The following NBEA variants were observed in gnomAD, a reference collection of about 807,000 sequenced individuals.
The protein encoded by NBEA is lysosomal-trafficking regulator 2.
In NBEA, 44 loss-of-function variants were observed where a neutral mutation model predicts 343.4. That is an observed-to-expected ratio of 0.13 (90% CI 0.10 to 0.16). The LOEUF (loss-of-function observed/expected upper bound fraction) is 0.16. Among genes scored for constraint, NBEA ranks in the 10% least tolerant of loss-of-function variants. NBEA has a pLI of 1.00. For missense variants in NBEA, 2,555 were observed against 3,631.3 expected (o/e 0.70, Z 7.62); for synonymous variants, 1,175 against 1,238.7 (o/e 0.95, Z 1.08).
chr13:35,277,771 G>A (rs2034726938), intron 34 of NBEA, among the ~76,000 whole-genome samples: 1 of 151,428 alleles, frequency 6.6e-6, no homozygotes, highest in African/African-American at 2.4e-5. Context: ...AAAAAAATTT[G>A]AATAGAAAGG....
chr13:35,375,264 G>C (rs2041672790), intron 38 of NBEA, among the ~76,000 whole-genome samples: 1 of 151,902 alleles, frequency 6.6e-6, no homozygotes, highest in African/African-American at 2.4e-5. Context: ...CATTTCTTTT[G>C]GTATTTAAGT....
intron 41 of NBEA, chr13:35,474,673 A>G (rs534620955): frequency 2.9e-5 from 5 of 173,888 alleles, no homozygotes; most frequent in South Asian, 3.3e-4. Flanking sequence ...TGGCATATCC[A>G]AATCGTGTTT....
At chr13:35,372,958 C>T (rs1237393972) in intron 38 of NBEA, among the ~76,000 whole-genome samples, 1 of 152,102 alleles carries the variant, frequency 6.6e-6, no homozygotes, top group Non-Finnish European at 1.5e-5. Flanking sequence ...TCAGTTTGAG[C>T]TCCTTTTCTC....
At chr13:35,155,955 T>TA (rs2069143571) in intron 19 of NBEA, 100 bp downstream of exon 19, 1 of 1,475,542 alleles carries the variant, frequency 6.8e-7, no homozygotes, top group Non-Finnish European at 9.4e-7. Context: ...TTATGGTGTT[T>TA]ACCTAGTTCA....
At chr13:35,140,523 G>A (rs973179832) in intron 17 of NBEA, among the ~76,000 whole-genome samples, 5 of 151,832 alleles carry the variant, frequency 3.3e-5, no homozygotes, top group African/African-American at 1.2e-4. Flanking sequence ...TTTTTAAATA[G>A]CCATTTGACC....
intron 6 of NBEA, among the ~76,000 whole-genome samples, chr13:35,052,391 C>T (rs2063095090): frequency 6.6e-6 from 1 of 151,948 alleles, no homozygotes. Flanking sequence ...GTAATATGTG[C>T]TCTAGACATA....
chr13:35,634,151 T>A (rs1277526943), intron 49 of NBEA, among the ~76,000 whole-genome samples: 1 of 152,168 alleles, frequency 6.6e-6, no homozygotes, highest in African/African-American at 2.4e-5. Context: ...GAGACTATCC[T>A]GGCTAACACG....
intron 47 of NBEA, among the ~76,000 whole-genome samples, chr13:35,603,836 AT>A (rs2082164918): frequency 6.6e-6 from 1 of 152,144 alleles, no homozygotes; most frequent in African/African-American, 2.4e-5. Flanking sequence ...TGTTATTGCT[AT>A]TGTGTCACAT....
chr13:35,451,790 G>T (rs2046324185), intron 39 of NBEA, among the ~76,000 whole-genome samples: 2 of 152,138 alleles, frequency 1.3e-5, no homozygotes, highest in African/African-American at 4.8e-5. Context: ...GGATCTTCGA[G>T]TCCTTAGACA....
At chr13:35,142,682 T>C (rs1368424604) in intron 18 of NBEA, among the ~76,000 whole-genome samples, 1 of 152,158 alleles carries the variant, frequency 6.6e-6, no homozygotes, top group East Asian at 1.9e-4. Context: ...TTAGTTCTGC[T>C]TCCCCATCCC....
At chr13:35,362,235 T>C (rs946140628) in intron 38 of NBEA, among the ~76,000 whole-genome samples, 1 of 151,962 alleles carries the variant, frequency 6.6e-6, no homozygotes, top group Admixed American at 6.6e-5. Context: ...GTTATTTCTG[T>C]GCAAACACTA....
At chr13:35,312,163 A>G (rs2037413388) in intron 36 of NBEA, among the ~76,000 whole-genome samples, 1 of 152,214 alleles carries the variant, frequency 6.6e-6, no homozygotes. Flanking sequence ...TTAGATGAAC[A>G]CATACAGTAA....
intron 1 of NBEA, among the ~76,000 whole-genome samples, chr13:35,009,493 C>T (rs1593448747): frequency 6.6e-6 from 1 of 151,986 alleles, no homozygotes; most frequent in East Asian, 1.9e-4. Flanking sequence ...ATAAAGACCC[C>T]GAGTCAAAAA....
At chr13:35,516,491 A>G (rs185477917) in intron 41 of NBEA, among the ~76,000 whole-genome samples, 1 of 152,276 alleles carries the variant, frequency 6.6e-6, no homozygotes, top group Admixed American at 6.5e-5. Flanking sequence ...TAGTTCTATA[A>G]ATGGGAAATT....
At chr13:35,091,572 C>T (rs1236388191) in intron 10 of NBEA, among the ~76,000 whole-genome samples, 8 of 152,032 alleles carry the variant, frequency 5.3e-5, no homozygotes, top group Non-Finnish European at 1.5e-5. Flanking sequence ...TAAATTCTAG[C>T]ACTAGTAAGC....
In NBEA at chr13:35,534,959, A is replaced by T. The variant is rs188059369; in HGVS notation, c.6586-15518A>T. 1.9e-4 allele frequency among the ~76,000 whole-genome samples: 29 copies of T among 152,332 alleles called. No homozygotes were observed. In the East Asian group the frequency reaches 5.6e-3, roughly 29 times the overall value. On this transcript the variant is annotated intron_variant, in intron 41 of 58. Transcript: ENST00000379939. The stretch of plus-strand genomic sequence containing the variant: ...AGTATTTTGCTTCAAATAGCTTTAC[A>T]AAAAAAGAATAAAAACTCAGCAGAA...
At chr13:35,136,941 A>G (rs1593467799) in intron 17 of NBEA, among the ~76,000 whole-genome samples, 1 of 152,244 alleles carries the variant, frequency 6.6e-6, no homozygotes, top group Non-Finnish European at 1.5e-5. Context: ...GCAGTGTTAC[A>G]ATGAAAATAA....
At chr13:35,086,534 G>A (rs899798436) in intron 10 of NBEA, among the ~76,000 whole-genome samples, 5 of 151,894 alleles carry the variant, frequency 3.3e-5, no homozygotes, top group Admixed American at 6.6e-5. Flanking sequence ...ACATATGAGT[G>A]AGAATGTCTT....
At chr13:35,445,436 A>G (rs2045951771) in intron 39 of NBEA, among the ~76,000 whole-genome samples, 1 of 152,034 alleles carries the variant, frequency 6.6e-6, no homozygotes, top group Admixed American at 6.6e-5. Flanking sequence ...AAAATACTTA[A>G]TATTACTCTT....
Sources: gnomAD v4.1 joint callset for allele counts (sites outside exome capture counted in the v4.1 genomes callset) on GRCh38, gnomAD v4.1.1 for gene constraint, MANE v1.5 for transcripts, NCBI Gene and HGNC (gene_info 2026-07-23, HGNC 2026-07-21) for gene names.